The following NRG1 variants were observed in gnomAD, a reference collection of about 807,000 sequenced individuals.
NRG1 encodes the protein pro-neuregulin-1, membrane-bound isoform.
A neutral mutation model predicts 63.8 loss-of-function variants in NRG1; 18 were observed. The ratio of observed to expected loss-of-function variants is 0.28; its 90% CI spans 0.19 to 0.42. NRG1 has a LOEUF of 0.42. NRG1 is among the 10% of genes least tolerant of loss of function. NRG1 has a pLI of 1.00. For missense variants in NRG1, 762 were observed against 814.7 expected, an observed-to-expected ratio of 0.94 and a Z score of 0.79; for synonymous variants, 302 against 301.3, an observed-to-expected ratio of 1.00 and a Z score of -0.02.
chr8:32,252,491 A>C (rs552620801), intron 1 of NRG1, among the ~76,000 whole-genome samples: 3 of 152,090 alleles, frequency 2.0e-5, no homozygotes, highest in African/African-American at 7.2e-5. Flanking sequence ...GTTTGTAAAA[A>C]ATCAGATAGT....
chr8:31,852,488 C>A (rs1827348983), intron 1 of NRG1, among the ~76,000 whole-genome samples: 1 of 151,958 alleles, frequency 6.6e-6, no homozygotes, highest in South Asian at 2.1e-4. Flanking sequence ...TGTTTGAGTT[C>A]ATTGTAGATT....
intron 1 of NRG1, among the ~76,000 whole-genome samples, chr8:32,016,179 A>G (rs570821886): frequency 6.6e-6 from 1 of 152,236 alleles, no homozygotes; most frequent in Non-Finnish European, 1.5e-5. Context: ...TAAATCTCTC[A>G]AAGTCTATTT....
intron 1 of NRG1, among the ~76,000 whole-genome samples, chr8:31,840,875 T>C (rs1269919227): frequency 6.6e-6 from 1 of 152,142 alleles, no homozygotes; most frequent in African/African-American, 2.4e-5. Flanking sequence ...TGCTTTCAGT[T>C]CCTATACAGC....
intron 5 of NRG1, among the ~76,000 whole-genome samples, chr8:32,618,335 C>T (rs1280983490): frequency 1.3e-5 from 2 of 152,186 alleles, no homozygotes; most frequent in African/African-American, 2.4e-5. Context: ...TGGAACCCTT[C>T]ATGCTATCAT....
intron 1 of NRG1, among the ~76,000 whole-genome samples, chr8:32,567,702 C>T (rs1837725476): frequency 6.6e-6 from 1 of 152,256 alleles, no homozygotes; most frequent in South Asian, 2.1e-4. Context: ...GTTGCTGTTT[C>T]ACCCTAGCAG....
At chr8:32,694,206 G>A (rs1812631465) in intron 5 of NRG1, among the ~76,000 whole-genome samples, 1 of 152,134 alleles carries the variant, frequency 6.6e-6, no homozygotes, top group Non-Finnish European at 1.5e-5. Context: ...TTTTAAAAAT[G>A]CATGTCCTAA....
At chr8:32,675,409 T>A (rs568095595) in intron 5 of NRG1, among the ~76,000 whole-genome samples, 1 of 152,374 alleles carries the variant, frequency 6.6e-6, no homozygotes, top group African/African-American at 2.4e-5. Context: ...GTTCTTTGGC[T>A]TAGTTCAAGA....
At chr8:32,000,686 G>T (rs537903912) in intron 1 of NRG1, among the ~76,000 whole-genome samples, 2 of 152,002 alleles carry the variant, frequency 1.3e-5, no homozygotes, top group South Asian at 4.2e-4. Context: ...TGTTTATTTT[G>T]CTTCCCCTTT....
intron 1 of NRG1, among the ~76,000 whole-genome samples, chr8:31,717,438 A>G (rs1247075331): frequency 1.3e-5 from 2 of 151,716 alleles, no homozygotes; most frequent in East Asian, 1.9e-4. Context: ...AAGAAAAACA[A>G]AAAAAGGATT....
chr8:32,606,953 A>T (rs182108899), intron 3 of NRG1, among the ~76,000 whole-genome samples: 9 of 152,210 alleles, frequency 5.9e-5, no homozygotes, highest in African/African-American at 2.2e-4. Flanking sequence ...GGGCTGGGAA[A>T]ATTCAGGTTA....
At chr8:32,108,472 C>T (rs564866204) in intron 1 of NRG1, among the ~76,000 whole-genome samples, 2 of 152,142 alleles carry the variant, frequency 1.3e-5, no homozygotes, top group Admixed American at 6.6e-5. Flanking sequence ...AGGCCTTAAT[C>T]GCATTCGTGA....
intron 1 of NRG1, among the ~76,000 whole-genome samples, chr8:32,222,019 A>G (rs1480841574): frequency 7.3e-6 from 1 of 136,786 alleles, no homozygotes; most frequent in Non-Finnish European, 1.6e-5. Flanking sequence ...TAAAGTGTCT[A>G]TATGGAAACA....
chr8:32,155,731 T>C (rs1563848479), intron 1 of NRG1, among the ~76,000 whole-genome samples: 1 of 152,234 alleles, frequency 6.6e-6, no homozygotes, highest in African/African-American at 2.4e-5. Flanking sequence ...TCTCTTCCTC[T>C]CATTGAATCT....
intron 1 of NRG1, among the ~76,000 whole-genome samples, chr8:32,297,638 G>A (rs1164720026): frequency 1.3e-5 from 2 of 152,150 alleles, no homozygotes; most frequent in South Asian, 2.1e-4. Flanking sequence ...GTACAGCCAA[G>A]TACAAACCAG....
chr8:32,386,048 C>G (rs1810979584), intron 1 of NRG1, among the ~76,000 whole-genome samples: 1 of 152,172 alleles, frequency 6.6e-6, no homozygotes, highest in Admixed American at 6.5e-5. Context: ...ATGATTCTGT[C>G]TATGCTGTCA....
At chr8:31,912,413 A>C (rs1833020443) in intron 1 of NRG1, among the ~76,000 whole-genome samples, 1 of 151,788 alleles carries the variant, frequency 6.6e-6, no homozygotes. Flanking sequence ...CAGTGTGGGG[A>C]CCCTGGAAGC....
Position 32,040,872 on chromosome 8 carries a change from G to A in NRG1, c.37+401441G>A, listed in dbSNP as rs116667133. The stretch of plus-strand genomic sequence containing the variant: ...GCACTAAAATTCTTCTGAGCCTTCA[G>A]TATTGCTGAGCTTTATTTAGGAAAT... On this transcript the variant is annotated intron_variant, in intron 1 of 10. Transcript: ENST00000519301. Among the ~76,000 whole-genome samples the A allele has an allele frequency of 8.8e-3, 1,301 of 148,192 alleles. 20 individuals are homozygous for A. Among genetic ancestry groups the A allele is most frequent in the African/African-American group, 0.03 (1,199 of 40,184 alleles).
chr8:31,674,314 G>C (rs1807456070), intron 1 of NRG1, among the ~76,000 whole-genome samples: 1 of 152,126 alleles, frequency 6.6e-6, no homozygotes, highest in Non-Finnish European at 1.5e-5. Context: ...TGGTAAATCT[G>C]TTTCAAGGTA....
chr8:32,149,902 A>C (rs1458143145), intron 1 of NRG1, among the ~76,000 whole-genome samples: 1 of 152,242 alleles, frequency 6.6e-6, no homozygotes, highest in Non-Finnish European at 1.5e-5. Flanking sequence ...GAGGAATACT[A>C]AATAAAAGGA....
Sources: gnomAD v4.1 joint callset for allele counts (sites outside exome capture counted in the v4.1 genomes callset) on GRCh38, gnomAD v4.1.1 for gene constraint, MANE v1.5 for transcripts, NCBI Gene and HGNC (gene_info 2026-07-23, HGNC 2026-07-21) for gene names.